PCP4L1: variants seen among roughly 807,000 people sequenced by gnomAD.
The protein encoded by PCP4L1 is Purkinje cell protein 4 like 1.
PCP4L1 carries 9 observed loss-of-function variants against 9.6 expected under a neutral mutation model. The observed-to-expected ratio is 0.94, with a 90% CI of 0.57 to 1.64. The LOEUF is 1.64. Among genes scored for constraint, PCP4L1 ranks in the 40% most tolerant of loss-of-function variants. The probability of loss-of-function intolerance (pLI) is 0.00; values close to 1 mark genes in which losing one functional copy is unlikely to be tolerated. For synonymous variants in PCP4L1, 31 were observed against 28.2 expected (o/e 1.10, Z -0.31); for missense variants, 81 against 80.8 (o/e 1.00, Z -0.01).
chr1:161,264,084 AT>A (rs1295392120), intron 1 of PCP4L1, among the ~76,000 whole-genome samples: 2 of 148,366 alleles, frequency 1.3e-5, no homozygotes, highest in African/African-American at 2.5e-5. Flanking sequence ...TAATTTTTGT[AT>A]TTTTTTTAGT....
At chr1:161,275,976 G>A (rs1158759251) in intron 1 of PCP4L1, among the ~76,000 whole-genome samples, 1 of 151,862 alleles carries the variant, frequency 6.6e-6, no homozygotes, top group Non-Finnish European at 1.5e-5. Context: ...TGTGTTTTTA[G>A]TAGAGATGGG....
At chr1:161,280,027 C>T (rs1393645624) in intron 1 of PCP4L1, among the ~76,000 whole-genome samples, 1 of 152,206 alleles carries the variant, frequency 6.6e-6, no homozygotes, top group East Asian at 1.9e-4. Flanking sequence ...TGATTAGTCT[C>T]ACTTCAAATT....
intron 1 of PCP4L1, among the ~76,000 whole-genome samples, chr1:161,278,191 C>A (rs1313387046): frequency 6.6e-6 from 1 of 152,174 alleles, no homozygotes; most frequent in Non-Finnish European, 1.5e-5. Flanking sequence ...CTCCACCGCC[C>A]TTTAAAGAAA....
At chr1:161,281,415 C>T (rs1240150601) in intron 1 of PCP4L1, among the ~76,000 whole-genome samples, 1 of 151,740 alleles carries the variant, frequency 6.6e-6, no homozygotes. Flanking sequence ...CCACAAGGGG[C>T]GGCCGGGCAG....
intron 1 of PCP4L1, among the ~76,000 whole-genome samples, chr1:161,264,769 C>G (rs530624143): frequency 6.6e-6 from 1 of 152,278 alleles, no homozygotes; most frequent in Admixed American, 6.5e-5. Flanking sequence ...GTCAAGGCTG[C>G]AGTGAGCCGT....
At chr1:161,281,031 G>A (rs1375895653) in intron 1 of PCP4L1, among the ~76,000 whole-genome samples, 1 of 152,114 alleles carries the variant, frequency 6.6e-6, no homozygotes, top group Non-Finnish European at 1.5e-5. Context: ...AGATTAGGGA[G>A]TGGTGATGAC....
chr1:161,264,508 C>CTT (rs1422699121), intron 1 of PCP4L1, among the ~76,000 whole-genome samples: 1 of 151,430 alleles, frequency 6.6e-6, no homozygotes, highest in African/African-American at 2.4e-5. Context: ...GAGTAAGACT[C>CTT]TGTCTAAGAA....
chr1:161,280,805 T>C (rs1669781509), intron 1 of PCP4L1, among the ~76,000 whole-genome samples: 1 of 152,230 alleles, frequency 6.6e-6, no homozygotes, highest in African/African-American at 2.4e-5. Flanking sequence ...CTCCATCCTG[T>C]TGATTTTTCT....
At chr1:161,261,709 C>T (rs1246071154) in intron 1 of PCP4L1, among the ~76,000 whole-genome samples, 1 of 152,194 alleles carries the variant, frequency 6.6e-6, no homozygotes, top group Non-Finnish European at 1.5e-5. Context: ...TCCCTTGGTC[C>T]AGCAGTCGTT....
rs777658485 is a variant in PCP4L1, at chr1:161,283,739, T to C, written c.64+17T>C. ...AGGAAAAAGGTGAGTGGGGTTGGGC[T>C]AGGCAGTTTGTAGAGCAGGTGACTG... On this transcript the variant is annotated intron_variant, in intron 2 of 2. Transcript: ENST00000504449. 4 of 1,600,252 alleles carry C rather than the reference T, an allele frequency of 2.5e-6. No homozygotes were observed. In the African/African-American group the frequency reaches 5.4e-5, roughly 21 times the overall value.
At chr1:161,279,264 T>C (rs552668735) in intron 1 of PCP4L1, among the ~76,000 whole-genome samples, 2 of 152,260 alleles carry the variant, frequency 1.3e-5, no homozygotes, top group African/African-American at 4.8e-5. Context: ...TAGACTACTC[T>C]GCTTTATTTT....
chr1:161,281,821 G>A (rs190162599), intron 1 of PCP4L1, among the ~76,000 whole-genome samples: 173 of 15,864 alleles, frequency 0.011, no homozygotes, highest in Admixed American at 0.015. Context: ...CTCACATCCC[G>A]GACGGGGCGG....
At chr1:161,266,589 G>A (rs1336630834) in intron 1 of PCP4L1, among the ~76,000 whole-genome samples, 1 of 152,130 alleles carries the variant, frequency 6.6e-6, no homozygotes, top group Non-Finnish European at 1.5e-5. Flanking sequence ...AAACAGGGAT[G>A]GGGTGGCTAA....
intron 1 of PCP4L1, among the ~76,000 whole-genome samples, chr1:161,263,472 C>G (rs1669454579): frequency 6.6e-6 from 1 of 152,078 alleles, no homozygotes; most frequent in Non-Finnish European, 1.5e-5. Context: ...CTCCTGACCT[C>G]AAGTGATCTG....
In PCP4L1 at chr1:161,258,774, G is replaced by T. The variant is rs1669362997; in HGVS notation, c.-201G>T. ...GGCTCTGACAGGACGGGTCGCAGGG[G>T]GTCGCCTGGCCGGAGCTGGGCTCCG... On this transcript the variant is annotated 5_prime_UTR_variant, in exon 1 of 3. Coordinates refer to ENST00000504449, the MANE Select transcript of PCP4L1 (RefSeq NM_001102566.2). 7 of 796,178 alleles carry T rather than the reference G, an allele frequency of 8.8e-6. No individual in the cohort carries two copies. The highest frequency in any genetic ancestry group is 5.6e-5 in the East Asian group (2 of 35,472). 49.3% of individuals were successfully genotyped at this position (796,178 alleles called of 1,614,324 possible). A position where few individuals can be genotyped will look rare whatever the true frequency, so the allele number is the denominator to read the frequency against.
chr1:161,275,857 G>C (rs936445395), intron 1 of PCP4L1, among the ~76,000 whole-genome samples: 14 of 147,278 alleles, frequency 9.5e-5, no homozygotes, highest in African/African-American at 3.3e-4. Flanking sequence ...GTGCAGTGGT[G>C]TGATCTCAGC....
intron 1 of PCP4L1, among the ~76,000 whole-genome samples, chr1:161,264,737 G>T (rs1007002950): frequency 6.6e-6 from 1 of 152,106 alleles, no homozygotes; most frequent in African/African-American, 2.4e-5. Flanking sequence ...GCTGAAGTAG[G>T]AGGATCTCTT....
In PCP4L1 at chr1:161,276,769, A is replaced by AT. The variant is rs10667034; in HGVS notation, c.10-6899_10-6898insT. ...TGTGTATATATGTATGTATATATAT[A>AT]AAAAATATACATATAAATATAAACA... On this transcript the variant is annotated intron_variant, in intron 1 of 2. Transcript: ENST00000504449. Among the ~76,000 whole-genome samples, 39 of 150,782 alleles carry AT rather than the reference A, an allele frequency of 2.6e-4. 1 individual carries two copies. In the South Asian group the frequency reaches 4.0e-3, roughly 15 times the overall value.
In PCP4L1 at chr1:161,284,457, A is replaced by C. The variant is rs1304396985; in HGVS notation, c.183A>C (p.Lys61Asn). 6.2e-7 allele frequency: 1 copy of C among 1,613,822 alleles called. No individual in the cohort carries two copies. The highest frequency in any genetic ancestry group is 8.5e-7 in the Non-Finnish European group (1 of 1,179,816). The part of the protein sequence containing the change: ...AIQGKFRRFQ[K>N]RKKDPSS ...AGGGCAAGTTCCGGCGATTTCAGAA[A>C]AGGAAAAAGGATCCCAGCTCCTGAA... Residue 61 changes from lysine (K) to asparagine (N), a missense_variant, in exon 3 of 3, where the codon AAA becomes AAC. By Grantham distance (94) the Lys-to-Asn change is moderately conservative. Coordinates refer to ENST00000504449, the MANE Select transcript of PCP4L1 (RefSeq NM_001102566.2).
Sources: allele counts gnomAD v4.1 joint callset (sites outside exome capture counted in the v4.1 genomes callset), GRCh38; gene constraint gnomAD v4.1.1; transcripts MANE v1.5; gene names NCBI Gene and HGNC (gene_info 2026-07-23, HGNC 2026-07-21).